ATXN1: variants seen among roughly 807,000 people sequenced by gnomAD.
ATXN1 encodes the protein ataxin 1.
Under a neutral mutation model 56.4 loss-of-function variants are expected in ATXN1, and 8 were observed. The observed-to-expected ratio is 0.14, with a 90% CI of 0.08 to 0.26. ATXN1 has a LOEUF of 0.26. ATXN1 is among the 10% of genes least tolerant of loss of function. The probability of loss-of-function intolerance (pLI) is 1.00; values close to 1 mark genes in which losing one functional copy is unlikely to be tolerated. For synonymous variants in ATXN1, 514 were observed against 494.6 expected (o/e 1.04, Z -0.52); for missense variants, 987 against 1,106.5 (o/e 0.89, Z 1.53).
intron 6 of ATXN1, among the ~76,000 whole-genome samples, chr6:16,401,302 C>A (rs1477878492): frequency 6.6e-6 from 1 of 152,142 alleles, no homozygotes; most frequent in Non-Finnish European, 1.5e-5. Context: ...ATTCAATGTG[C>A]CAAGTCAAGC....
chr6:16,555,619 G>A (rs1209929934), intron 4 of ATXN1, among the ~76,000 whole-genome samples: 1 of 152,148 alleles, frequency 6.6e-6, no homozygotes, highest in East Asian at 1.9e-4. Flanking sequence ...GCAGGCCAGG[G>A]GTGTGTGTGT....
chr6:16,657,024 C>G (rs1758217872), intron 3 of ATXN1, among the ~76,000 whole-genome samples: 2 of 147,312 alleles, frequency 1.4e-5, no homozygotes, highest in Admixed American at 6.8e-5. Context: ...CGCTCTGTCG[C>G]CCAGGCTGGA....
intron 3 of ATXN1, among the ~76,000 whole-genome samples, chr6:16,631,690 G>C (rs1466460608): frequency 6.6e-6 from 1 of 152,062 alleles, no homozygotes; most frequent in Non-Finnish European, 1.5e-5. Context: ...TTAAAAGCAG[G>C]GTTCTGAAAT....
chr6:16,674,805 G>A (rs1467680016), intron 2 of ATXN1, among the ~76,000 whole-genome samples: 3 of 152,156 alleles, frequency 2.0e-5, no homozygotes, highest in African/African-American at 4.8e-5. Context: ...GGTTTGGAAT[G>A]AGATCCTGGG....
intron 3 of ATXN1, among the ~76,000 whole-genome samples, chr6:16,653,607 A>T (rs1758123353): frequency 6.6e-6 from 1 of 152,160 alleles, no homozygotes; most frequent in South Asian, 2.1e-4. Context: ...TGATGTCCCC[A>T]CTATCCCAAT....
chr6:16,382,594 TA>T (rs1483663337), intron 6 of ATXN1, among the ~76,000 whole-genome samples: 1 of 152,214 alleles, frequency 6.6e-6, no homozygotes, highest in African/African-American at 2.4e-5. Context: ...ACTATTTTTT[TA>T]AATCCAAAAT....
chr6:16,667,432 C>T (rs962173806), intron 2 of ATXN1: 3 of 152,168 alleles, frequency 2.0e-5, no homozygotes, highest in Admixed American at 2.0e-4. Flanking sequence ...ATTCTTTTGC[C>T]TCCCCAAAGC....
chr6:16,331,216 G>A (rs1760984469), intron 6 of ATXN1, among the ~76,000 whole-genome samples: 1 of 152,152 alleles, frequency 6.6e-6, no homozygotes, highest in African/African-American at 2.4e-5. Flanking sequence ...GGCCAGGCTG[G>A]TCTCGAACTC....
intron 5 of ATXN1, among the ~76,000 whole-genome samples, chr6:16,496,930 T>A (rs1760791558): frequency 6.6e-6 from 1 of 152,176 alleles, no homozygotes; most frequent in African/African-American, 2.4e-5. Context: ...TAGGGGTTTA[T>A]CCTAGTATCA....
At chr6:16,490,634 T>A (rs1581797121) in intron 5 of ATXN1, among the ~76,000 whole-genome samples, 1 of 152,284 alleles carries the variant, frequency 6.6e-6, no homozygotes, top group East Asian at 1.9e-4. Flanking sequence ...CTAGTAATAG[T>A]TCCTTCCATT....
At chr6:16,669,672 T>C in intron 2 of ATXN1, among the ~76,000 whole-genome samples, 1 of 150,284 alleles carries the variant, frequency 6.7e-6, no homozygotes, top group African/African-American at 2.4e-5. Context: ...ACAATCTTTT[T>C]TTTTTTTTTT....
At chr6:16,617,831 T>G (rs555556597) in intron 3 of ATXN1, among the ~76,000 whole-genome samples, 13 of 150,844 alleles carry the variant, frequency 8.6e-5, no homozygotes, top group African/African-American at 3.2e-4. Context: ...TAGTACTTAA[T>G]AAAGATGATG....
intron 3 of ATXN1, among the ~76,000 whole-genome samples, chr6:16,655,574 C>T (rs1254683968): frequency 2.0e-5 from 3 of 152,064 alleles, no homozygotes; most frequent in Admixed American, 1.3e-4. Flanking sequence ...CCTAAAAATT[C>T]AGTGAAGACT....
intron 3 of ATXN1, among the ~76,000 whole-genome samples, chr6:16,643,668 A>G (rs1763750257): frequency 6.6e-6 from 1 of 151,274 alleles, no homozygotes; most frequent in Non-Finnish European, 1.5e-5. Context: ...AGAACGCAGG[A>G]CTATGAGCCT....
At chr6:16,430,860 T>C (rs566702896) in intron 6 of ATXN1, among the ~76,000 whole-genome samples, 23 of 152,250 alleles carry the variant, frequency 1.5e-4, no homozygotes, top group African/African-American at 5.5e-4. Flanking sequence ...AGGTTCGTGG[T>C]GTTTGCTGAG....
intron 6 of ATXN1, among the ~76,000 whole-genome samples, chr6:16,443,978 T>C (rs560884968): frequency 9.2e-5 from 14 of 152,036 alleles, no homozygotes; most frequent in Admixed American, 4.6e-4. Context: ...TAGCCAGGCG[T>C]GGTGGCGGGC....
intron 6 of ATXN1, among the ~76,000 whole-genome samples, chr6:16,407,276 T>A (rs1274155762): frequency 6.6e-6 from 1 of 152,252 alleles, no homozygotes; most frequent in African/African-American, 2.4e-5. Flanking sequence ...CATTATTAAA[T>A]TTTTTAAATG....
At chr6:16,348,527 C>T (rs999191791) in intron 6 of ATXN1, among the ~76,000 whole-genome samples, 8 of 151,896 alleles carry the variant, frequency 5.3e-5, no homozygotes, top group Non-Finnish European at 7.4e-5. Flanking sequence ...GGCAAAGCCC[C>T]GTCTCTACTA....
At chr6:16,475,269 C>T (rs1354502198) in intron 6 of ATXN1, among the ~76,000 whole-genome samples, 2 of 152,170 alleles carry the variant, frequency 1.3e-5, no homozygotes, top group Admixed American at 6.5e-5. Flanking sequence ...CTTAACAATA[C>T]ATAACCGAAT....
Sources: allele counts gnomAD v4.1 joint callset (sites outside exome capture counted in the v4.1 genomes callset), GRCh38; gene constraint gnomAD v4.1.1; transcripts MANE v1.5; gene names NCBI Gene and HGNC (gene_info 2026-07-23, HGNC 2026-07-21).